Variants in OXR1 observed in about 807,000 individuals in gnomAD.
OXR1 encodes oxidation resistance protein 1.
OXR1 carries 41 observed loss-of-function variants against 104.6 expected under a neutral mutation model. That is an observed-to-expected ratio of 0.39 (90% confidence interval 0.31 to 0.51). The LOEUF (loss-of-function observed/expected upper bound fraction) is 0.51. OXR1 is among the 20% of genes least tolerant of loss of function. The pLI, the probability that OXR1 is intolerant of heterozygous loss-of-function variation, is 0.77. For synonymous variants in OXR1, 348 were observed against 348.4 expected (o/e 1.00, Z 0.01); for missense variants, 955 against 1,031.9 (o/e 0.93, Z 1.02).
intron 3 of OXR1, among the ~76,000 whole-genome samples, chr8:106,642,145 A>G (rs1223995823): frequency 1.3e-5 from 2 of 152,184 alleles, no homozygotes; most frequent in Admixed American, 1.3e-4. Flanking sequence ...TGTAAAATTG[A>G]AATTTTTAGG....
intron 3 of OXR1, among the ~76,000 whole-genome samples, chr8:106,660,637 G>A (rs1420400507): frequency 6.6e-6 from 1 of 152,168 alleles, no homozygotes; most frequent in East Asian, 1.9e-4. Context: ...CATCAAGAAG[G>A]GGTGGAGGGA....
At chr8:106,671,274 TAAAAG>T (rs1259945357) in intron 3 of OXR1, among the ~76,000 whole-genome samples, 1 of 152,078 alleles carries the variant, frequency 6.6e-6, no homozygotes, top group Non-Finnish European at 1.5e-5. Flanking sequence ...TTTAAAATGT[TAAAAG>T]AAAGTACCTG....
At chr8:106,567,706 G>T (rs1817182835) in intron 3 of OXR1, among the ~76,000 whole-genome samples, 1 of 152,132 alleles carries the variant, frequency 6.6e-6, no homozygotes, top group Non-Finnish European at 1.5e-5. Flanking sequence ...TTTTCAGGAA[G>T]AGTTGATAAG....
intron 3 of OXR1, among the ~76,000 whole-genome samples, chr8:106,639,983 G>T (rs1356920104): frequency 3.3e-5 from 5 of 152,118 alleles, no homozygotes. Context: ...ATCAAATCTT[G>T]TAACCTCCCT....
intron 3 of OXR1, among the ~76,000 whole-genome samples, chr8:106,582,311 AG>A (rs1390312316): frequency 1.3e-5 from 2 of 151,552 alleles, no homozygotes; most frequent in Non-Finnish European, 2.9e-5. Context: ...AGGTAAAACA[AG>A]ATTATTTGGA....
intron 2 of OXR1, among the ~76,000 whole-genome samples, chr8:106,509,970 C>T (rs983376014): frequency 1.3e-5 from 2 of 152,198 alleles, no homozygotes; most frequent in Non-Finnish European, 2.9e-5. Flanking sequence ...TGGGATTTCA[C>T]CATGTTGGCC....
At chr8:106,724,031 C>T (rs1833099919) in intron 11 of OXR1, among the ~76,000 whole-genome samples, 1 of 152,010 alleles carries the variant, frequency 6.6e-6, no homozygotes, top group Non-Finnish European at 1.5e-5. Context: ...AGTAATCCTC[C>T]TGCCTCAGCC....
At chr8:106,313,687 G>A (rs569066811) in intron 1 of OXR1, among the ~76,000 whole-genome samples, 1 of 152,032 alleles carries the variant, frequency 6.6e-6, no homozygotes, top group South Asian at 2.1e-4. Flanking sequence ...TCATAGCCTA[G>A]AGATATATTA....
chr8:106,442,213 G>T (rs187213028), intron 2 of OXR1, among the ~76,000 whole-genome samples: 1,959 of 152,180 alleles, frequency 0.013, 25 homozygotes, highest in Admixed American at 0.023. Flanking sequence ...GATGGATTAC[G>T]TTTATTGATT....
chr8:106,610,235 A>G (rs1376289221), intron 3 of OXR1, among the ~76,000 whole-genome samples: 1 of 151,956 alleles, frequency 6.6e-6, no homozygotes, highest in Non-Finnish European at 1.5e-5. Context: ...TGTCTATTCA[A>G]CCCTGCAAAT....
chr8:106,456,364 C>T, intron 2 of OXR1, among the ~76,000 whole-genome samples: 1 of 151,998 alleles, frequency 6.6e-6, no homozygotes, highest in East Asian at 1.9e-4. Context: ...ATTTTCTGGG[C>T]TTCTAGTATA....
intron 3 of OXR1, among the ~76,000 whole-genome samples, chr8:106,664,325 T>C (rs567231463): frequency 6.6e-6 from 1 of 152,242 alleles, no homozygotes; most frequent in Non-Finnish European, 1.5e-5. Context: ...TATTGTTGAA[T>C]ACCTCTCCTA....
intron 2 of OXR1, among the ~76,000 whole-genome samples, chr8:106,435,643 C>T (rs1168242680): frequency 6.6e-6 from 1 of 152,140 alleles, no homozygotes; most frequent in South Asian, 2.1e-4. Flanking sequence ...GGGTGACCAT[C>T]AAACTGTGGA....
chr8:106,726,092 T>G, intron 11 of OXR1: 1 of 1,258,480 alleles, frequency 7.9e-7, no homozygotes. Context: ...TGATTAGCTC[T>G]CTCTCTTGTC....
intron 2 of OXR1, among the ~76,000 whole-genome samples, chr8:106,462,652 A>C (rs1450550767): frequency 6.6e-6 from 1 of 152,154 alleles, no homozygotes; most frequent in Non-Finnish European, 1.5e-5. Flanking sequence ...AAAGTCAACA[A>C]AATTTTACTT....
At chr8:106,279,861 A>C (rs1387340711) in intron 1 of OXR1, among the ~76,000 whole-genome samples, 1 of 152,206 alleles carries the variant, frequency 6.6e-6, no homozygotes, top group Non-Finnish European at 1.5e-5. Flanking sequence ...GTTATGGAGG[A>C]GTTCATGGAA....
At chr8:106,642,333 A>G (rs1823721043) in intron 3 of OXR1, among the ~76,000 whole-genome samples, 1 of 152,214 alleles carries the variant, frequency 6.6e-6, no homozygotes, top group Admixed American at 6.5e-5. Flanking sequence ...AAACTTCAAA[A>G]TATATAAAAT....
intron 3 of OXR1, among the ~76,000 whole-genome samples, chr8:106,649,247 A>G (rs567413173): frequency 2.0e-4 from 30 of 152,020 alleles, no homozygotes; most frequent in African/African-American, 7.0e-4. Context: ...TGTGGACACA[A>G]TATGTTCCCA....
chr8:106,654,919 G>A (rs1824921075), intron 3 of OXR1, among the ~76,000 whole-genome samples: 1 of 152,102 alleles, frequency 6.6e-6, no homozygotes, highest in African/African-American at 2.4e-5. Flanking sequence ...ATCCATCAAT[G>A]GATGAACGGA....
Sources: allele counts gnomAD v4.1 joint callset (sites outside exome capture counted in the v4.1 genomes callset), GRCh38; gene constraint gnomAD v4.1.1; transcripts MANE v1.5; gene names NCBI Gene and HGNC (gene_info 2026-07-23, HGNC 2026-07-21).